Variants in TNPO1 observed in about 807,000 individuals in gnomAD.
The protein encoded by TNPO1 is transportin-1.
TNPO1 carries 8 observed loss-of-function variants against 119.5 expected under a neutral mutation model. The observed-to-expected ratio is 0.07, with a 90% CI of 0.04 to 0.12. TNPO1 has a LOEUF of 0.12. TNPO1 is among the 10% of genes least tolerant of loss of function. The pLI, the probability that TNPO1 is intolerant of heterozygous loss-of-function variation, is 1.00. For missense variants in TNPO1, 576 were observed against 1,089.8 expected, an observed-to-expected ratio of 0.53 and a Z score of 6.64; for synonymous variants, 362 against 363.0, an observed-to-expected ratio of 1.00 and a Z score of 0.03.
chr5:72,816,730 C>T lies in TNPO1; in HGVS notation c.-8C>T, dbSNP rs375884663. 1.3e-6 allele frequency: 2 copies of T among 1,579,350 alleles called. No individual in the cohort carries two copies. Among genetic ancestry groups the T allele is most frequent in the African/African-American group, 2.8e-5 (2 of 72,606 alleles). ...CGGCCGAAGGCCCGAGCGCCCGAGGCGTCTGGGATGGTGTGGGACCGGGTA... is the reference window on the plus strand; with the variant it reads ...CGGCCGAAGGCCCGAGCGCCCGAGGTGTCTGGGATGGTGTGGGACCGGGTA... On this transcript the variant is annotated 5_prime_UTR_variant, in exon 1 of 25. Coordinates refer to ENST00000337273, the MANE Select transcript of TNPO1 (RefSeq NM_002270.4).
chr5:72,893,761 CTTTG>C (rs1183403738), intron 18 of TNPO1, 58 bp downstream of exon 18: 9 of 1,469,266 alleles, frequency 6.1e-6, no homozygotes, highest in Non-Finnish European at 8.5e-6. Flanking sequence ...TTTACATCAG[CTTTG>C]TTTTTTTATT....
Position 72,903,721 on chromosome 5 carries a change from T to C in TNPO1, c.2527T>C (p.Phe843Leu). ...TTGCTTGTTACAGGATTTTATATTT[T>C]TTTGTGATGCCGTTGCATCATGGAT... is the stretch of plus-strand genomic sequence containing the variant. ...PSGVIQDFIFFCDAVASWINP... is the reference protein window; with the variant it reads ...PSGVIQDFIFLCDAVASWINP... Residue 843 changes from phenylalanine (F) to leucine (L), a missense_variant, in exon 23 of 25, where the codon TTT (phenylalanine) becomes CTT (leucine). Physicochemically the swap from Phe to Leu is conservative, Grantham distance 22. Transcript: ENST00000337273. 6.2e-7 allele frequency: 1 copy of C among 1,603,524 alleles called. No individual in the cohort carries two copies. The highest frequency in any genetic ancestry group is 8.5e-7 in the Non-Finnish European group (1 of 1,175,600).
chr5:72,848,583 C>T (rs1238339522), intron 2 of TNPO1, 85 bp downstream of exon 2: 2 of 723,846 alleles, frequency 2.8e-6, no homozygotes, highest in Non-Finnish European at 4.0e-6. Flanking sequence ...CTCCCGTCGC[C>T]TCCGCCTCTG....
At chr5:72,880,327 G>C (rs1405042871) in intron 9 of TNPO1, among the ~76,000 whole-genome samples, 3 of 151,874 alleles carry the variant, frequency 2.0e-5, no homozygotes, top group South Asian at 4.2e-4. Flanking sequence ...TTGTGATCTG[G>C]TATAGCAGCT....
chr5:72,856,607 A>G (rs976814083), intron 4 of TNPO1, among the ~76,000 whole-genome samples: 1 of 152,124 alleles, frequency 6.6e-6, no homozygotes, highest in Non-Finnish European at 1.5e-5. Context: ...ATACTTTTTA[A>G]TTGCTTATGA....
At chr5:72,833,537 A>G (rs998383658) in intron 1 of TNPO1, among the ~76,000 whole-genome samples, 1 of 152,198 alleles carries the variant, frequency 6.6e-6, no homozygotes, top group Admixed American at 6.5e-5. Context: ...ATAAATTTTT[A>G]TTTTGTGGGC....
rs562043567 is a variant in TNPO1 at position 72,884,519 on chromosome 5, T to G, written c.1150+1287T>G. 3.3e-5 allele frequency among the ~76,000 whole-genome samples: 5 copies of G among 152,298 alleles called. No homozygotes were observed. In the East Asian group the frequency reaches 9.6e-4, roughly 29 times the overall value. On this transcript the variant is annotated intron_variant, in intron 11 of 24. Transcript: ENST00000337273. ...ATATTCAAATTTATTATAAGTTGCT[T>G]TGTTATAGTCAAAATTTATGAAATA...
intron 15 of TNPO1, among the ~76,000 whole-genome samples, chr5:72,892,325 G>T (rs1434441559): frequency 6.6e-6 from 1 of 151,390 alleles, no homozygotes; most frequent in Non-Finnish European, 1.5e-5. Context: ...TTTATATGAT[G>T]TTCTCGTAAC....
chr5:72,901,659 C>G (rs910333973), intron 22 of TNPO1, among the ~76,000 whole-genome samples: 1 of 152,086 alleles, frequency 6.6e-6, no homozygotes, highest in Non-Finnish European at 1.5e-5. Flanking sequence ...ATTTTCTAGA[C>G]ACACAAAACA....
At chr5:72,851,575 A>G (rs1384963567) in intron 3 of TNPO1, among the ~76,000 whole-genome samples, 1 of 152,074 alleles carries the variant, frequency 6.6e-6, no homozygotes, top group Non-Finnish European at 1.5e-5. Flanking sequence ...TCACTACAAT[A>G]TCTGCCTCCC....
intron 6 of TNPO1, among the ~76,000 whole-genome samples, chr5:72,866,426 TATAC>T (rs1746909646): frequency 6.6e-6 from 1 of 152,150 alleles, no homozygotes; most frequent in East Asian, 1.9e-4. Context: ...AATGTGGCAA[TATAC>T]ATACTTCACT....
chr5:72,891,695 C>T (rs1749072269), intron 14 of TNPO1, 115 bp from the exon 15 acceptor site: 1 of 754,506 alleles, frequency 1.3e-6, no homozygotes, highest in African/African-American at 1.7e-5. Context: ...CTTAAAATGC[C>T]TTTTGTAATG....
chr5:72,885,787 T>G (rs1748581696), intron 11 of TNPO1, among the ~76,000 whole-genome samples: 1 of 151,758 alleles, frequency 6.6e-6, no homozygotes. Context: ...TCTAGTAGTT[T>G]GTGATTAGCC....
At chr5:72,862,044 C>G (rs1231609955) in intron 5 of TNPO1, 130 bp downstream of exon 5, 1 of 604,166 alleles carries the variant, frequency 1.7e-6, no homozygotes, top group South Asian at 2.1e-5. Context: ...CCTAAAGTTA[C>G]CTTTGTGTTA....
intron 18 of TNPO1, among the ~76,000 whole-genome samples, chr5:72,895,939 C>CGGG (rs367652772): frequency 1.2e-4 from 18 of 152,088 alleles, no homozygotes; most frequent in African/African-American, 4.3e-4. Context: ...AGTTGGCTCC[C>CGGG]GAGTCCTTTC....
At chr5:72,848,128 T>G in intron 1 of TNPO1, 2 of 1,170,802 alleles carry the variant, frequency 1.7e-6, no homozygotes, top group South Asian at 5.2e-5. Flanking sequence ...GGTGACTCAG[T>G]CTGGTCGGCT....
rs2112507606 is a variant in TNPO1, at chr5:72,905,921, C to T, written c.*35+476C>T. On this transcript the variant is annotated intron_variant, in intron 24 of 24. Coordinates refer to ENST00000337273, the MANE Select transcript of TNPO1 (RefSeq NM_002270.4). Reference sequence around the variant, plus strand: ...CAAATAAATAGAAAATAAAATTACTCAAGTGAAGGCTAAAGAAATTTTCTT... The same window carrying T: ...CAAATAAATAGAAAATAAAATTACTTAAGTGAAGGCTAAAGAAATTTTCTT... Among the ~76,000 whole-genome samples, 2 of 152,042 alleles carry T rather than the reference C, an allele frequency of 1.3e-5. 1 individual carries two copies. Among genetic ancestry groups the T allele is most frequent in the East Asian group, 3.9e-4 (2 of 5,192 alleles).
chr5:72,885,129 C>T (rs563518053), intron 11 of TNPO1, among the ~76,000 whole-genome samples: 2 of 152,326 alleles, frequency 1.3e-5, no homozygotes, highest in East Asian at 3.9e-4. Flanking sequence ...ACTTTGCATG[C>T]ATATCAAAGT....
intron 7 of TNPO1, among the ~76,000 whole-genome samples, chr5:72,873,537 A>G (rs1261461769): frequency 6.6e-6 from 1 of 152,140 alleles, no homozygotes; most frequent in African/African-American, 2.4e-5. Flanking sequence ...TTTACAAGTT[A>G]AAACCAAAAT....
Sources: gnomAD v4.1 joint callset for allele counts (sites outside exome capture counted in the v4.1 genomes callset) on GRCh38, gnomAD v4.1.1 for gene constraint, MANE v1.5 for transcripts, NCBI Gene and HGNC (gene_info 2026-07-23, HGNC 2026-07-21) for gene names.